AHCTF1: variants seen among roughly 807,000 people sequenced by gnomAD.
AHCTF1 encodes the protein AT-hook containing transcription factor 1, also known as protein ELYS.
Under a neutral mutation model 248.4 loss-of-function variants are expected in AHCTF1, and 24 were observed. The ratio of observed to expected loss-of-function variants is 0.10; its 90% CI spans 0.07 to 0.14. The LOEUF is 0.14. Among genes scored for constraint, AHCTF1 ranks in the 10% least tolerant of loss-of-function variants. The pLI, the probability that AHCTF1 is intolerant of heterozygous loss-of-function variation, is 1.00. For missense variants in AHCTF1, 2,206 were observed against 2,636.2 expected (o/e 0.84, Z 3.57); for synonymous variants, 786 against 929.8 (o/e 0.85, Z 2.81).
In AHCTF1 at chr1:246,861,202, T is replaced by C. The variant is rs771665956; in HGVS notation, c.3829A>G (p.Thr1277Ala). 7 of 1,613,562 alleles carry C rather than the reference T, an allele frequency of 4.3e-6. No homozygotes were observed. In the East Asian group the frequency reaches 1.6e-4, roughly 36 times the overall value. ...TCAGGGCTGTTCAGGAAAAAAGATG[T>C]GGTCCTATCTTTGCTCTTCAGCCAT... ...TEWLKSKDRT[T>A]SFFLNSPEKE... is the part of the protein sequence containing the mutation. Residue 1277 changes from threonine to alanine, a missense_variant, in exon 29 of 36, where the codon ACA becomes GCA. This residue lies in a region of AHCTF1 where 955 missense variants were observed against 1,055.6 expected (regional missense o/e 0.90). Transcript: ENST00000648844.
At position 246,890,934 on chromosome 1, in the gene AHCTF1, ATAG is replaced by A. The variant is rs1664170951; in HGVS notation, c.2050+19_2050+21del. On this transcript the variant is annotated intron_variant, in intron 16 of 35. Transcript: ENST00000648844. ...ATTCAGAATGTTTTAATTAATACTT[ATAG>A]ATTAAGTAAATATTTTACCTATGCC... 2.1e-6 allele frequency: 3 copies of A among 1,416,988 alleles called. No individual in the cohort carries two copies. The Admixed American group carries it at 7.7e-5, about 36-fold the overall frequency. The allele number at this position is 1,416,988 out of a possible 1,614,324, so 87.8% of individuals were successfully genotyped here.
In AHCTF1 at chr1:246,873,245, G is replaced by GA. The variant is rs985815047; in HGVS notation, c.3088+2791dup. On this transcript the variant is annotated intron_variant, in intron 24 of 35. Transcript: ENST00000648844. ...CTATACTCATTACTCTTCTGTAAAAGAAAAAAATCTTAACCGGTGATAAAT... is the reference window on the plus strand; with the variant it reads ...CTATACTCATTACTCTTCTGTAAAAGAAAAAAAATCTTAACCGGTGATAAAT... 1.1e-3 allele frequency among the ~76,000 whole-genome samples: 171 copies of GA among 152,188 alleles called. 2 individuals carry two copies. The highest frequency in any genetic ancestry group is 1.8e-4 in the Non-Finnish European group (12 of 67,976).
At position 246,861,258 on chromosome 1, in the gene AHCTF1, G is replaced by T. The variant is rs201984673; in HGVS notation, c.3773C>A (p.Pro1258His). 1.9e-6 allele frequency: 3 copies of T among 1,612,218 alleles called. No individual in the cohort carries two copies. Among genetic ancestry groups the T allele is most frequent in the Non-Finnish European group, 2.5e-6 (3 of 1,179,020 alleles). ...DDSKLEVFTT[P>H]KKCAVPVETE... ...TTCCACTGGAACTGCACATTTTTTA[G>T]GTGTAGTAAATACTTCTAATTTGCT... Residue 1258 changes from proline to histidine, a missense_variant, in exon 29 of 36, where the codon CCT (proline) becomes CAT (histidine). Physicochemically the swap from Pro to His is moderately conservative, Grantham distance 77 (BLOSUM62 -2). Around this residue, in one of 6 missense-constraint regions of AHCTF1, gnomAD observed 955 missense variants for 1,055.6 expected, o/e 0.90. Transcript: ENST00000648844.
At chr1:246,881,334 C>T (rs749753377) in intron 21 of AHCTF1, among the ~76,000 whole-genome samples, 2 of 152,080 alleles carry the variant, frequency 1.3e-5, no homozygotes, top group Non-Finnish European at 2.9e-5. Context: ...GAGACATCCA[C>T]CATTAGCGTC....
intron 8 of AHCTF1, among the ~76,000 whole-genome samples, chr1:246,901,694 G>A (rs750828165): frequency 3.3e-5 from 5 of 152,110 alleles, no homozygotes; most frequent in Admixed American, 2.0e-4. Context: ...GGTGTGTGCC[G>A]GCAGTCCCAG....
intron 27 of AHCTF1, 109 bp downstream of exon 27, chr1:246,863,815 C>G: frequency 9.0e-7 from 1 of 1,107,202 alleles, no homozygotes; most frequent in Non-Finnish European, 1.3e-6. Context: ...AAAGCATTTC[C>G]CAGCACTCCC....
rs933650049 is a variant in AHCTF1, at chr1:246,931,860, C to T, written c.-290G>A. ...TAAAACGCAGTCGCTGCTCCCGCCG[C>T]GCTTCTGGGTCCTTCCCCTTGCAAC... is the stretch of plus-strand genomic sequence containing the variant. On this transcript the variant is annotated 5_prime_UTR_variant, in exon 1 of 36. Coordinates refer to ENST00000648844, the MANE Select transcript of AHCTF1 (RefSeq NM_001323342.2). The T allele has an allele frequency of 2.6e-5, 4 of 152,576 alleles. No individual in the cohort carries two copies. Among genetic ancestry groups the T allele is most frequent in the Non-Finnish European group, 5.9e-5 (4 of 68,376 alleles). The allele number at this position is 152,576 out of a possible 1,614,324, so 9.5% of individuals were successfully genotyped here.
chr1:246,847,554 G>C (rs1255878040), intron 33 of AHCTF1, among the ~76,000 whole-genome samples: 1 of 152,120 alleles, frequency 6.6e-6, no homozygotes, highest in African/African-American at 2.4e-5. Flanking sequence ...CTGGAGTGCA[G>C]GGGCACACGA....
At chr1:246,904,540 T>C (rs1665246064) in intron 6 of AHCTF1, among the ~76,000 whole-genome samples, 1 of 152,058 alleles carries the variant, frequency 6.6e-6, no homozygotes, top group Non-Finnish European at 1.5e-5. Context: ...ACTTAAAATG[T>C]AGAGGTTCAA....
chr1:246,895,988 G>A (rs1664546290), intron 12 of AHCTF1, 63 bp from the exon 13 acceptor site: 1 of 1,395,772 alleles, frequency 7.2e-7, no homozygotes, highest in Non-Finnish European at 1.0e-6. Flanking sequence ...TCATAGGCAA[G>A]TTCTGGTTTA....
At chr1:246,882,707 A>C (rs1471297691) in intron 21 of AHCTF1, among the ~76,000 whole-genome samples, 1 of 152,234 alleles carries the variant, frequency 6.6e-6, no homozygotes, top group African/African-American at 2.4e-5. Context: ...AAGACTGAAT[A>C]ATCAATGTTA....
intron 1 of AHCTF1, among the ~76,000 whole-genome samples, chr1:246,922,937 T>G (rs560276265): frequency 7.0e-6 from 1 of 142,282 alleles, no homozygotes; most frequent in Non-Finnish European, 1.5e-5. Flanking sequence ...GAGCCGAGAT[T>G]GCACCACTGC....
intron 1 of AHCTF1, among the ~76,000 whole-genome samples, chr1:246,923,273 G>T (rs192469264): frequency 6.6e-6 from 1 of 151,988 alleles, no homozygotes; most frequent in Non-Finnish European, 1.5e-5. Flanking sequence ...AAATTAGCTG[G>T]GCATGGTGAC....
At chr1:246,899,085 G>C (rs373919412) in intron 11 of AHCTF1, among the ~76,000 whole-genome samples, 1 of 152,002 alleles carries the variant, frequency 6.6e-6, no homozygotes, top group Non-Finnish European at 1.5e-5. Flanking sequence ...GCGAAACTCC[G>C]TCTCAAAAAG....
At chr1:246,913,000 C>T (rs1665913342) in intron 4 of AHCTF1, among the ~76,000 whole-genome samples, 1 of 152,076 alleles carries the variant, frequency 6.6e-6, no homozygotes, top group South Asian at 2.1e-4. Flanking sequence ...TCAAGGCCTA[C>T]TTGAGAACAT....
chr1:246,902,161 A>AC (rs1296951553), intron 8 of AHCTF1, among the ~76,000 whole-genome samples: 2 of 152,190 alleles, frequency 1.3e-5, no homozygotes, highest in Non-Finnish European at 2.9e-5. Context: ...AAAAGCGATG[A>AC]CACTAAAGAA....
intron 20 of AHCTF1, among the ~76,000 whole-genome samples, chr1:246,886,954 G>A (rs920535417): frequency 6.6e-6 from 1 of 151,984 alleles, no homozygotes; most frequent in Admixed American, 6.6e-5. Flanking sequence ...TAATATTAAC[G>A]ATCACTGTAT....
chr1:246,931,339 C>T lies in AHCTF1; in HGVS notation c.-8+239G>A, dbSNP rs1279512654. 5.2e-6 allele frequency: 8 copies of T among 1,544,480 alleles called. No individual in the cohort carries two copies. The East Asian group carries it at 1.7e-4, about 33-fold the overall frequency. ...CGCTCCGCCGCCATGTGCCGCCGCTCCTCCGGTCCGAGATTATGTAACGAA... is the reference window on the plus strand; with the variant it reads ...CGCTCCGCCGCCATGTGCCGCCGCTTCTCCGGTCCGAGATTATGTAACGAA... On this transcript the variant is annotated intron_variant, in intron 1 of 35. Transcript: ENST00000648844.
In AHCTF1 at chr1:246,878,396, C is replaced by CAAAAAAAAAAAAAAAAAAAAAAAAAAAAA. The variant is rs1199465751; in HGVS notation, c.2661-1123_2661-1095dup. ...TGGCAGACAGAGCAAGATTCTGTCT[C>CAAAAAAAAAAAAAAAAAAAAAAAAAAAAA]AAAAAAAAAAAAAAAAAAAAAAAAA... On this transcript the variant is annotated intron_variant, in intron 21 of 35. Transcript: ENST00000648844. Among the ~76,000 whole-genome samples the CAAAAAAAAAAAAAAAAAAAAAAAAAAAAA allele has an allele frequency of 6.5e-5, 2 of 30,776 alleles. 1 individual carries two copies. The highest frequency in any genetic ancestry group is 2.4e-4 in the African/African-American group (2 of 8,190). 20.2% of individuals were successfully genotyped at this position (30,776 alleles called of 152,430 possible). A position where few individuals can be genotyped will look rare whatever the true frequency, so the allele number is the denominator to read the frequency against.
Sources: gnomAD v4.1 joint callset for allele counts (sites outside exome capture counted in the v4.1 genomes callset) on GRCh38, gnomAD v4.1.1 for gene constraint, gnomAD v4.1.1 regional missense constraint, MANE v1.5 for transcripts, NCBI Gene and HGNC (gene_info 2026-07-23, HGNC 2026-07-21) for gene names.